CNBD1: variants seen among roughly 807,000 people sequenced by gnomAD.
The protein encoded by CNBD1 is cyclic nucleotide binding domain containing 1.
Under a neutral mutation model 54.4 loss-of-function variants are expected in CNBD1, and 71 were observed. The observed-to-expected ratio is 1.30, with a 90% CI of 1.08 to 1.59. The LOEUF is 1.59. Among genes scored for constraint, CNBD1 ranks in the 40% most tolerant of loss-of-function variants. The pLI, the probability that CNBD1 is intolerant of heterozygous loss-of-function variation, is 0.00. For missense variants in CNBD1, 659 were observed against 518.0 expected (o/e 1.27, Z -2.64); for synonymous variants, 182 against 170.7 (o/e 1.07, Z -0.51).
At chr8:87,184,224 A>C (rs1200835551) in intron 4 of CNBD1, among the ~76,000 whole-genome samples, 3 of 152,192 alleles carry the variant, frequency 2.0e-5, no homozygotes, top group African/African-American at 7.2e-5. Context: ...GGCAGTGAGC[A>C]AAAGAGCTAG....
chr8:87,380,932 G>T (rs190539829), intron 10 of CNBD1, among the ~76,000 whole-genome samples: 1 of 152,048 alleles, frequency 6.6e-6, no homozygotes, highest in African/African-American at 2.4e-5. Context: ...AATTGTAACT[G>T]TTAAACTCTT....
chr8:86,978,311 AAAC>A (rs1309254831), intron 4 of CNBD1, among the ~76,000 whole-genome samples: 3 of 152,108 alleles, frequency 2.0e-5, no homozygotes, highest in African/African-American at 4.8e-5. Context: ...TCCATTGAGA[AAAC>A]AACAACAATA....
chr8:87,115,618 A>G (rs1328134585), intron 4 of CNBD1, among the ~76,000 whole-genome samples: 1 of 152,194 alleles, frequency 6.6e-6, no homozygotes, highest in Admixed American at 6.5e-5. Flanking sequence ...ACATAGTGTT[A>G]TGACATGGGA....
downstream of CNBD1, among the ~76,000 whole-genome samples, chr8:87,386,488 TC>T (rs1388623883): frequency 3.4e-4 from 52 of 152,310 alleles, no homozygotes; most frequent in African/African-American, 1.3e-3. Context: ...AGTAGCCAAT[TC>T]GATCAACTGG....
chr8:87,159,345 G>T (rs1261445446), intron 4 of CNBD1, among the ~76,000 whole-genome samples: 1 of 152,060 alleles, frequency 6.6e-6, no homozygotes, highest in Non-Finnish European at 1.5e-5. Context: ...GTTTTCATGG[G>T]ATATAAAAAG....
chr8:86,911,297 G>A (rs1432795684), intron 3 of CNBD1, among the ~76,000 whole-genome samples: 1 of 152,126 alleles, frequency 6.6e-6, no homozygotes, highest in East Asian at 1.9e-4. Flanking sequence ...TTGTTAAAAG[G>A]CAAGCCTTGC....
At chr8:87,085,946 C>G (rs188000762) in intron 4 of CNBD1, among the ~76,000 whole-genome samples, 2 of 152,240 alleles carry the variant, frequency 1.3e-5, no homozygotes, top group South Asian at 2.1e-4. Flanking sequence ...CACCTACATG[C>G]TTTTACCCTT....
chr8:86,902,942 T>C (rs1042001043), intron 2 of CNBD1, among the ~76,000 whole-genome samples: 2 of 152,164 alleles, frequency 1.3e-5, no homozygotes, highest in African/African-American at 4.8e-5. Context: ...AATAATACTT[T>C]TCTACTGAAC....
At chr8:87,334,226 A>G (rs1285178581) in intron 8 of CNBD1, among the ~76,000 whole-genome samples, 2 of 152,048 alleles carry the variant, frequency 1.3e-5, no homozygotes, top group East Asian at 3.8e-4. Context: ...CAGTGTTGAT[A>G]TCCCCTTTAT....
chr8:87,180,920 G>C (rs1813298590), intron 4 of CNBD1, among the ~76,000 whole-genome samples: 2 of 152,018 alleles, frequency 1.3e-5, no homozygotes, highest in African/African-American at 4.8e-5. Context: ...AAGTATCGAG[G>C]GTCTTTGGGG....
chr8:86,999,985 AT>A (rs1030153589), intron 4 of CNBD1, among the ~76,000 whole-genome samples: 1 of 151,800 alleles, frequency 6.6e-6, no homozygotes, highest in Non-Finnish European at 1.5e-5. Flanking sequence ...ATTATTTTTT[AT>A]TTTTTTTCCT....
chr8:87,107,658 G>A lies in CNBD1; in HGVS notation c.432-98335G>A, dbSNP rs191210563. Among the ~76,000 whole-genome samples, 3 of 152,272 alleles carry A rather than the reference G, an allele frequency of 2.0e-5. No homozygotes were observed. The East Asian group carries it at 5.8e-4, about 29-fold the overall frequency. On this transcript the variant is annotated intron_variant, in intron 4 of 10. Coordinates refer to ENST00000518476, the MANE Select transcript of CNBD1 (RefSeq NM_173538.3). The stretch of plus-strand genomic sequence containing the variant: ...ATCCCTATTACCTAATTTAGTGCCT[G>A]GTGAATATACAATAAATATTTGAGT...
chr8:87,152,682 C>A (rs1180828536), intron 4 of CNBD1, among the ~76,000 whole-genome samples: 2 of 152,096 alleles, frequency 1.3e-5, no homozygotes, highest in East Asian at 3.9e-4. Flanking sequence ...TATGGATGAA[C>A]TCCATCCTCA....
chr8:86,889,241 A>T (rs1808729863), intron 2 of CNBD1, among the ~76,000 whole-genome samples: 1 of 152,174 alleles, frequency 6.6e-6, no homozygotes, highest in South Asian at 2.1e-4. Flanking sequence ...AGATAGGAAG[A>T]TAAATATTTA....
chr8:87,104,577 C>T (rs1811495305), intron 4 of CNBD1, among the ~76,000 whole-genome samples: 1 of 152,032 alleles, frequency 6.6e-6, no homozygotes, highest in African/African-American at 2.4e-5. Context: ...GATCTGTGCC[C>T]CATTTCCAAA....
chr8:86,970,334 GT>G (rs1808191110), intron 4 of CNBD1, among the ~76,000 whole-genome samples: 1 of 151,790 alleles, frequency 6.6e-6, no homozygotes, highest in Non-Finnish European at 1.5e-5. Flanking sequence ...ATTTTTTTCT[GT>G]TCTTATGATT....
intron 8 of CNBD1, among the ~76,000 whole-genome samples, chr8:87,302,891 T>C (rs1451800946): frequency 2.0e-5 from 3 of 151,728 alleles, no homozygotes; most frequent in Non-Finnish European, 4.4e-5. Flanking sequence ...TCACAATTGC[T>C]TCAAAGAGAA....
chr8:87,373,841 TTAGA>T (rs1451341559), intron 10 of CNBD1, among the ~76,000 whole-genome samples: 1 of 151,828 alleles, frequency 6.6e-6, no homozygotes, highest in African/African-American at 2.4e-5. Context: ...TTCAATATTT[TTAGA>T]TAGAACCCAA....
At chr8:87,231,184 G>A (rs967152368) in intron 5 of CNBD1, among the ~76,000 whole-genome samples, 1 of 152,032 alleles carries the variant, frequency 6.6e-6, no homozygotes, top group Non-Finnish European at 1.5e-5. Context: ...GTATTCATAG[G>A]CAGACATATA....
Sources: gnomAD v4.1 joint callset for allele counts (sites outside exome capture counted in the v4.1 genomes callset) on GRCh38, gnomAD v4.1.1 for gene constraint, MANE v1.5 for transcripts, NCBI Gene and HGNC (gene_info 2026-07-23, HGNC 2026-07-21) for gene names.